Variants in DTNBP1 observed in about 807,000 individuals in gnomAD.
DTNBP1 encodes dystrobrevin binding protein 1, also known as dysbindin.
In DTNBP1, 35 loss-of-function variants were observed where a neutral mutation model predicts 42.8. The observed-to-expected ratio is 0.82, with a 90% confidence interval of 0.63 to 1.09. The LOEUF is 1.09. DTNBP1 is among the 50% of genes least tolerant of loss of function. The pLI is 0.00. For synonymous variants in DTNBP1, 171 were observed against 162.2 expected (o/e 1.05, Z -0.41); for missense variants, 457 against 424.2 (o/e 1.08, Z -0.68).
chr6:15,617,563 T>A (rs933726608), intron 5 of DTNBP1, among the ~76,000 whole-genome samples: 5 of 151,642 alleles, frequency 3.3e-5, no homozygotes, highest in African/African-American at 7.3e-5. Flanking sequence ...AACCCACAAA[T>A]AAATCCACAT....
chr6:15,583,121 C>G (rs1288953831), intron 7 of DTNBP1, among the ~76,000 whole-genome samples: 1 of 152,116 alleles, frequency 6.6e-6, no homozygotes, highest in Non-Finnish European at 1.5e-5. Context: ...GGTAGGGTTA[C>G]AGGTGCATGC....
chr6:15,569,390 G>GT (rs1775244197), intron 7 of DTNBP1, among the ~76,000 whole-genome samples: 2 of 126,932 alleles, frequency 1.6e-5, no homozygotes, highest in Admixed American at 2.2e-4. Context: ...CGAAATCAGC[G>GT]TGAGAATGCA....
chr6:15,557,844 C>A (rs1023597217), intron 7 of DTNBP1, among the ~76,000 whole-genome samples: 3 of 151,966 alleles, frequency 2.0e-5, no homozygotes, highest in African/African-American at 4.8e-5. Flanking sequence ...ATGTTTTAAA[C>A]CTTTGATATT....
At chr6:15,607,765 A>C (rs1202527715) in intron 6 of DTNBP1, among the ~76,000 whole-genome samples, 2 of 150,350 alleles carry the variant, frequency 1.3e-5, no homozygotes, top group African/African-American at 2.5e-5. Context: ...GAATTCAGGG[A>C]ATGTTATATG....
chr6:15,617,533 A>T (rs568289724), intron 5 of DTNBP1, among the ~76,000 whole-genome samples: 1 of 152,318 alleles, frequency 6.6e-6, no homozygotes, highest in Admixed American at 6.5e-5. Context: ...ACATGCTGGA[A>T]CAGAACAGAG....
At chr6:15,569,259 C>T (rs1288085160) in intron 7 of DTNBP1, among the ~76,000 whole-genome samples, 2 of 152,074 alleles carry the variant, frequency 1.3e-5, no homozygotes, top group South Asian at 2.1e-4. Flanking sequence ...TAGACAGGAT[C>T]GCTGACATTA....
rs1351383769 is a variant in DTNBP1 at position 15,587,129 on chromosome 6, A to G, written c.511+5930T>C. 6.6e-6 allele frequency among the ~76,000 whole-genome samples: 1 copy of G among 152,188 alleles called. No homozygotes were observed. Among genetic ancestry groups the G allele is most frequent in the Non-Finnish European group, 1.5e-5 (1 of 68,028 alleles). On this transcript the variant is annotated intron_variant, in intron 7 of 9. Coordinates refer to ENST00000344537, the MANE Select transcript of DTNBP1 (RefSeq NM_032122.5). This position sits in a 1 kb window ranked among gnomAD's most constrained non-coding sequence, Gnocchi z 4.1. ...TGGACACTTCCACCTATAATGTCTT[A>G]CAGATACTGCAAATTTAACATGCTC...
chr6:15,549,208 C>T (rs972806799), intron 7 of DTNBP1, among the ~76,000 whole-genome samples: 7 of 152,070 alleles, frequency 4.6e-5, no homozygotes, highest in Admixed American at 6.6e-5. Flanking sequence ...AACCTGAGAC[C>T]GGGCATGGTG....
At chr6:15,558,503 G>A (rs947060024) in intron 7 of DTNBP1, among the ~76,000 whole-genome samples, 6 of 152,062 alleles carry the variant, frequency 3.9e-5, no homozygotes, top group African/African-American at 1.2e-4. Context: ...CTGACCTCAG[G>A]TGATCCACCC....
chr6:15,584,145 C>T (rs751751269), intron 7 of DTNBP1, among the ~76,000 whole-genome samples: 3 of 151,896 alleles, frequency 2.0e-5, no homozygotes, highest in African/African-American at 7.3e-5. Context: ...TTTAAAAAAA[C>T]GAATATACAC....
At chr6:15,528,812 C>T (rs1257702985) in intron 8 of DTNBP1, among the ~76,000 whole-genome samples, 2 of 152,166 alleles carry the variant, frequency 1.3e-5, no homozygotes, top group Admixed American at 1.3e-4. Flanking sequence ...AAAGTGTGGT[C>T]CCCTCAGCAT....
At chr6:15,657,801 T>A (rs542401336) in intron 1 of DTNBP1, among the ~76,000 whole-genome samples, 1 of 152,228 alleles carries the variant, frequency 6.6e-6, no homozygotes, top group Non-Finnish European at 1.5e-5. Context: ...AAGCAAAGCA[T>A]TGAAGATATT....
chr6:15,608,111 T>TC (rs1320185490), intron 6 of DTNBP1, among the ~76,000 whole-genome samples: 15 of 152,310 alleles, frequency 9.8e-5, no homozygotes, highest in South Asian at 4.2e-4. Flanking sequence ...ATGCTTTTTC[T>TC]CCCCCATCTC....
At chr6:15,533,495 C>A in intron 7 of DTNBP1, 100 bp from the exon 8 acceptor site, 2 of 1,592,238 alleles carry the variant, frequency 1.3e-6, no homozygotes, top group South Asian at 2.2e-5. Flanking sequence ...TGGATGGAGT[C>A]ATGCCGCGTT....
intron 7 of DTNBP1, among the ~76,000 whole-genome samples, chr6:15,542,725 T>C (rs1374789373): frequency 1.3e-5 from 2 of 151,822 alleles, no homozygotes; most frequent in African/African-American, 4.8e-5. Flanking sequence ...AGAGTCTCAC[T>C]CTATTGCCCA....
At chr6:15,583,937 A>T (rs966708939) in intron 7 of DTNBP1, among the ~76,000 whole-genome samples, 2 of 152,190 alleles carry the variant, frequency 1.3e-5, no homozygotes, top group African/African-American at 4.8e-5. Context: ...CCCCTTCAAT[A>T]TAGAACATCG....
chr6:15,584,498 C>T (rs548632860), intron 7 of DTNBP1, among the ~76,000 whole-genome samples: 2 of 151,994 alleles, frequency 1.3e-5, no homozygotes, highest in South Asian at 2.1e-4. Context: ...TCCATTAATG[C>T]TCCAATTTTA....
chr6:15,652,196 T>G (rs1197625702), intron 1 of DTNBP1, 56 bp from the exon 2 acceptor site: 1 of 1,413,496 alleles, frequency 7.1e-7, no homozygotes, highest in East Asian at 2.5e-5. Context: ...ATTATTATTT[T>G]TTTGAGACAG....
At chr6:15,523,600 A>G (rs1772095374) in intron 9 of DTNBP1, 1 of 1,287,002 alleles carries the variant, frequency 7.8e-7, no homozygotes. Flanking sequence ...ATTCAGAGAC[A>G]CCACTGCTGA....
Sources: allele counts gnomAD v4.1 joint callset (sites outside exome capture counted in the v4.1 genomes callset), GRCh38; gene constraint gnomAD v4.1.1; non-coding constraint Gnocchi (gnomAD v3.1); transcripts MANE v1.5; gene names NCBI Gene and HGNC (gene_info 2026-07-23, HGNC 2026-07-21).